Variants in RBM47 observed in about 807,000 individuals in gnomAD.
RBM47 encodes RNA binding motif protein 47.
RBM47 carries 21 observed loss-of-function variants against 47.1 expected under a neutral mutation model. That is an observed-to-expected ratio of 0.45 (90% CI 0.32 to 0.64). The LOEUF (loss-of-function observed/expected upper bound fraction) is 0.64, where lower values mean the gene tolerates loss of function less well. Among genes scored for constraint, RBM47 ranks in the 30% least tolerant of loss-of-function variants. RBM47 has a pLI of 0.05. For synonymous variants in RBM47, 375 were observed against 361.7 expected (o/e 1.04, Z -0.42); for missense variants, 708 against 870.9 (o/e 0.81, Z 2.35).
chr4:40,500,371 G>A (rs1723195950), intron 2 of RBM47, among the ~76,000 whole-genome samples: 2 of 152,180 alleles, frequency 1.3e-5, no homozygotes, highest in Admixed American at 6.5e-5. Context: ...CAGCACTTCG[G>A]GAGGCCGAGA....
rs145075028 is a variant in RBM47 at position 40,525,988 on chromosome 4, G to A, written c.-155+18434C>T. On this transcript the variant is annotated intron_variant, in intron 2 of 6. Transcript: ENST00000295971. Reference sequence around the variant, plus strand: ...AGCTGCCCATCCAATCTAGATCCCCGGAGTGCTCAAAGGAGAGGCAACAAG... The same window carrying A: ...AGCTGCCCATCCAATCTAGATCCCCAGAGTGCTCAAAGGAGAGGCAACAAG... Among the ~76,000 whole-genome samples, 8 of 152,198 alleles carry A rather than the reference G, an allele frequency of 5.3e-5. No individual in the cohort carries two copies. The South Asian group carries it at 1.0e-3, about 20-fold the overall frequency.
At chr4:40,540,690 A>C (rs1343233030) in intron 2 of RBM47, among the ~76,000 whole-genome samples, 2 of 148,588 alleles carry the variant, frequency 1.3e-5, no homozygotes, top group African/African-American at 4.9e-5. Context: ...AATGGGGAAT[A>C]ATGGGGAAAA....
intron 2 of RBM47, chr4:40,543,878 C>A (rs1253123274): frequency 6.0e-5 from 9 of 148,952 alleles, no homozygotes; most frequent in African/African-American, 2.2e-4. Flanking sequence ...TCAGACTATG[C>A]ATTTCTTACC....
chr4:40,576,301 A>G (rs1444932946), intron 1 of RBM47, among the ~76,000 whole-genome samples: 1 of 128,162 alleles, frequency 7.8e-6, no homozygotes, highest in Non-Finnish European at 1.6e-5. Context: ...CCACAATCAT[A>G]TTTATGCCTG....
intron 2 of RBM47, among the ~76,000 whole-genome samples, chr4:40,484,294 CA>C (rs2154243251): frequency 6.6e-6 from 1 of 152,236 alleles, no homozygotes; most frequent in Non-Finnish European, 1.5e-5. Context: ...CTTTGATCAG[CA>C]AAATTTTAAT....
intron 3 of RBM47, among the ~76,000 whole-genome samples, chr4:40,443,341 T>TA (rs1342931418): frequency 1.3e-5 from 2 of 151,440 alleles, no homozygotes; most frequent in South Asian, 2.1e-4. Context: ...CAAAATCCTT[T>TA]AAAAAAAAGA....
At chr4:40,602,941 G>T (rs80008164) in intron 1 of RBM47, among the ~76,000 whole-genome samples, 1,967 of 152,244 alleles carry the variant, frequency 0.013, 42 homozygotes, top group African/African-American at 0.045. Context: ...TGTAATCCCA[G>T]CACTTTGGGA....
chr4:40,451,006 CA>C (rs1405138588), intron 3 of RBM47, among the ~76,000 whole-genome samples: 1 of 152,046 alleles, frequency 6.6e-6, no homozygotes, highest in Non-Finnish European at 1.5e-5. Flanking sequence ...TTATTTTCTA[CA>C]GCCCTCCCTC....
chr4:40,554,034 G>C (rs1448306141), intron 1 of RBM47, among the ~76,000 whole-genome samples: 3 of 152,142 alleles, frequency 2.0e-5, no homozygotes, highest in Non-Finnish European at 4.4e-5. Context: ...TGAACATCAG[G>C]AGACGCGGGA....
intron 3 of RBM47, among the ~76,000 whole-genome samples, chr4:40,456,570 T>G (rs1450762510): frequency 1.2e-5 from 1 of 84,692 alleles, no homozygotes; most frequent in African/African-American, 3.8e-5. Flanking sequence ...TTTTCTTTTT[T>G]CTTTTTTTTT....
At chr4:40,581,654 T>C (rs1270879802) in intron 1 of RBM47, among the ~76,000 whole-genome samples, 5 of 151,880 alleles carry the variant, frequency 3.3e-5, no homozygotes, top group African/African-American at 1.2e-4. Context: ...TTAAATTATC[T>C]CTTCTTCAGA....
At chr4:40,541,966 G>T (rs976984591) in intron 2 of RBM47, among the ~76,000 whole-genome samples, 11 of 152,128 alleles carry the variant, frequency 7.2e-5, no homozygotes, top group Non-Finnish European at 1.5e-4. Flanking sequence ...CATCAAGGAT[G>T]CAGAGACAAA....
chr4:40,549,413 T>C (rs1360295008), intron 1 of RBM47, among the ~76,000 whole-genome samples: 2 of 151,910 alleles, frequency 1.3e-5, no homozygotes, highest in Non-Finnish European at 2.9e-5. Flanking sequence ...CTCCCTCTTA[T>C]TTTCCTCAGT....
At position 40,535,371 on chromosome 4, in the gene RBM47, C is replaced by CTTTTTTTTTTTTTTTTTCTTTTTT. The variant is rs1553897873; in HGVS notation, c.-155+9050_-155+9051insAAAAAAGAAAAAAAAAAAAAAAAA. On this transcript the variant is annotated intron_variant, in intron 2 of 6. Coordinates refer to ENST00000295971, the MANE Select transcript of RBM47 (RefSeq NM_001098634.2). The stretch of plus-strand genomic sequence containing the variant: ...TTCATACCAGCCTGGTATGGTATTT[C>CTTTTTTTTTTTTTTTTTCTTTTTT]TTTTTTTTTTTTTTTTTTTGAGACG... Among the ~76,000 whole-genome samples, 97 of 103,412 alleles carry CTTTTTTTTTTTTTTTTTCTTTTTT rather than the reference C, an allele frequency of 9.4e-4. 2 individuals carry two copies. Among genetic ancestry groups the CTTTTTTTTTTTTTTTTTCTTTTTT allele is most frequent in the East Asian group, 5.3e-3 (17 of 3,220 alleles). The allele number at this position is 103,412 out of a possible 152,430, so 67.8% of individuals were successfully genotyped here.
At chr4:40,594,917 G>A (rs574259025) in intron 1 of RBM47, among the ~76,000 whole-genome samples, 1 of 152,290 alleles carries the variant, frequency 6.6e-6, no homozygotes, top group South Asian at 2.1e-4. Flanking sequence ...GTTGAAGACT[G>A]AGTATTACTG....
At chr4:40,430,197 A>AAAACAAACAAACAAAC (rs145107424) in intron 6 of RBM47, among the ~76,000 whole-genome samples, 2 of 150,116 alleles carry the variant, frequency 1.3e-5, no homozygotes, top group African/African-American at 4.9e-5. Flanking sequence ...ACCGTCGCAA[A>AAAACAAACAAACAAAC]AAACAAACAA....
intron 1 of RBM47, among the ~76,000 whole-genome samples, chr4:40,568,753 G>A (rs1015261978): frequency 6.6e-6 from 1 of 151,802 alleles, no homozygotes; most frequent in Non-Finnish European, 1.5e-5. Context: ...GGCCGAGGCG[G>A]GTGGATCACC....
At chr4:40,615,109 G>A (rs1343102515) in intron 1 of RBM47, among the ~76,000 whole-genome samples, 1 of 151,848 alleles carries the variant, frequency 6.6e-6, no homozygotes, top group East Asian at 1.9e-4. Flanking sequence ...CTGAGCAACA[G>A]AGCAAAACCC....
intron 3 of RBM47, among the ~76,000 whole-genome samples, chr4:40,459,503 C>A (rs1271269399): frequency 6.6e-6 from 1 of 151,916 alleles, no homozygotes; most frequent in African/African-American, 2.4e-5. Flanking sequence ...GAGTTCAAGG[C>A]TGCATTGAGC....
Sources: gnomAD v4.1 joint callset for allele counts (sites outside exome capture counted in the v4.1 genomes callset) on GRCh38, gnomAD v4.1.1 for gene constraint, MANE v1.5 for transcripts, NCBI Gene and HGNC (gene_info 2026-07-23, HGNC 2026-07-21) for gene names.